ADGRE1: variants seen among roughly 807,000 people sequenced by gnomAD.
The protein encoded by ADGRE1 is EGF-like module receptor 1.
Under a neutral mutation model 102.7 loss-of-function variants are expected in ADGRE1, and 82 were observed. The ratio of observed to expected loss-of-function variants is 0.80; its 90% CI spans 0.67 to 0.96. ADGRE1 has a LOEUF of 0.96. ADGRE1 is among the 40% of genes least tolerant of loss of function. The pLI is 0.00. For synonymous variants in ADGRE1, 398 were observed against 399.6 expected (o/e 1.00, Z 0.05); for missense variants, 1,032 against 1,085.3 (o/e 0.95, Z 0.69).
At chr19:6,938,597 C>T (rs1182592763) in intron 20 of ADGRE1, among the ~76,000 whole-genome samples, 2 of 151,432 alleles carry the variant, frequency 1.3e-5, no homozygotes, top group Non-Finnish European at 2.9e-5. Context: ...AATTCAATAG[C>T]TTAGTTTCCT....
chr19:6,927,175 T>TCCTCCCTCCCACTCTC (rs2145003043), intron 16 of ADGRE1, among the ~76,000 whole-genome samples: 1 of 151,518 alleles, frequency 6.6e-6, no homozygotes, highest in Admixed American at 6.6e-5. Flanking sequence ...AATCCTTTCT[T>TCCTCCCTCCCACTCTC]CCTCCCTCCC....
Position 6,902,117 on chromosome 19 carries a change from T to C in ADGRE1, c.661+96T>C, listed in dbSNP as rs1323478249. ...TGGGTCTTGGTTGAGTTTGAGACTT[T>C]CATCTGCAAATCTGAAGCCAATAAT... is the stretch of plus-strand genomic sequence containing the variant. On this transcript the variant is annotated intron_variant, in intron 6 of 20. Coordinates refer to ENST00000312053, the MANE Select transcript of ADGRE1 (RefSeq NM_001974.5). 5.5e-6 allele frequency: 8 copies of C among 1,462,358 alleles called. No individual in the cohort carries two copies. In the East Asian group the frequency reaches 9.1e-5, roughly 17 times the overall value. The allele number at this position is 1,462,358 out of a possible 1,614,324, so 90.6% of individuals were successfully genotyped here.
chr19:6,920,573 G>A (rs1306544432), intron 13 of ADGRE1, among the ~76,000 whole-genome samples: 1 of 128,188 alleles, frequency 7.8e-6, no homozygotes, highest in Non-Finnish European at 1.6e-5. Context: ...GCCCAGGCTG[G>A]AGTTCAATGG....
At chr19:6,929,613 C>T (rs1258640166) in intron 17 of ADGRE1, among the ~76,000 whole-genome samples, 1 of 151,916 alleles carries the variant, frequency 6.6e-6, no homozygotes, top group African/African-American at 2.4e-5. Context: ...ACCTCTGCCT[C>T]CTGGGTTCAA....
chr19:6,916,076 T>C (rs1158475182), intron 11 of ADGRE1, among the ~76,000 whole-genome samples, 173 bp from the exon 12 acceptor site: 1 of 152,166 alleles, frequency 6.6e-6, no homozygotes, highest in Non-Finnish European at 1.5e-5. Context: ...TATTTGGTGC[T>C]ATGGTCCCCC....
At chr19:6,938,801 CTTT>C (rs558698686) in intron 20 of ADGRE1, among the ~76,000 whole-genome samples, 1 of 137,800 alleles carries the variant, frequency 7.3e-6, no homozygotes. Context: ...TTCTTTTTTT[CTTT>C]TTTTTTTTTG....
chr19:6,890,774 C>G (rs1023759929), intron 2 of ADGRE1, among the ~76,000 whole-genome samples: 4 of 152,014 alleles, frequency 2.6e-5, no homozygotes, highest in African/African-American at 9.7e-5. Flanking sequence ...CTTCAGTTTC[C>G]CAAGCTGTGA....
intron 2 of ADGRE1, among the ~76,000 whole-genome samples, chr19:6,892,449 A>G (rs1973415611): frequency 6.6e-6 from 1 of 152,214 alleles, no homozygotes; most frequent in South Asian, 2.1e-4. Flanking sequence ...GCTTTAAAAA[A>G]ATCCTGAATT....
At chr19:6,895,621 A>G (rs1349594430) in intron 2 of ADGRE1, 1 of 152,100 alleles carries the variant, frequency 6.6e-6, no homozygotes, top group African/African-American at 2.4e-5. Flanking sequence ...TGATTTTCCA[A>G]GATGTTCTTG....
intron 3 of ADGRE1, 143 bp downstream of exon 3, chr19:6,896,684 T>C (rs1973564211): frequency 1.1e-6 from 1 of 920,654 alleles, no homozygotes; most frequent in Non-Finnish European, 1.6e-6. Context: ...GAGTATTAGG[T>C]CATTTCTGTT....
intron 8 of ADGRE1, among the ~76,000 whole-genome samples, chr19:6,905,348 T>C (rs189072221): frequency 9.4e-5 from 13 of 138,488 alleles, no homozygotes; most frequent in Admixed American, 5.8e-4. Flanking sequence ...ACCCTGTCTT[T>C]TGTTTTTTTT....
At chr19:6,939,285 A>C (rs910089145) in intron 20 of ADGRE1, among the ~76,000 whole-genome samples, 3 of 152,202 alleles carry the variant, frequency 2.0e-5, no homozygotes, top group Admixed American at 6.5e-5. Context: ...GGTATAGAAC[A>C]TTTTAGAAAA....
intron 9 of ADGRE1, among the ~76,000 whole-genome samples, chr19:6,906,753 A>G (rs449297): frequency 0.36 from 54,491 of 152,008 alleles, 11,317 homozygotes; most frequent in African/African-American, 0.57. Flanking sequence ...CCAAGGTGGC[A>G]GCTCCAGCTC....
chr19:6,907,236 A>G (rs1293669989), intron 9 of ADGRE1, among the ~76,000 whole-genome samples: 3 of 152,184 alleles, frequency 2.0e-5, no homozygotes, highest in Non-Finnish European at 4.4e-5. Flanking sequence ...GGTGAGGTAC[A>G]CATAACATAA....
At chr19:6,924,472 T>G (rs1974799707) in intron 14 of ADGRE1, among the ~76,000 whole-genome samples, 1 of 152,076 alleles carries the variant, frequency 6.6e-6, no homozygotes, top group Non-Finnish European at 1.5e-5. Flanking sequence ...GAGTAACGCA[T>G]AGGACAGGAC....
rs956464574 is a variant in ADGRE1, at chr19:6,913,951, A to T, written c.1300+121A>T. The T allele has an allele frequency of 3.5e-6, 4 of 1,131,672 alleles. No individual in the cohort carries two copies. The African/African-American group carries it at 6.2e-5, about 18-fold the overall frequency. The allele number at this position is 1,131,672 out of a possible 1,614,324, so 70.1% of individuals were successfully genotyped here. Reference sequence around the variant, plus strand: ...TTCCCCAACTGTTTAAAAACTTTGAATTCACAGCAAAGCAAGTCTAATCAT... The same window carrying T: ...TTCCCCAACTGTTTAAAAACTTTGATTTCACAGCAAAGCAAGTCTAATCAT... On this transcript the variant is annotated intron_variant, in intron 11 of 20. Transcript: ENST00000312053.
chr19:6,937,223 G>A lies in ADGRE1; in HGVS notation c.2382-20G>A. ...ATAGCCACCTCCCAGAGCCTTACAT[G>A]CTGTACATCTTCTCCCCAGGTTACT... On this transcript the variant is annotated intron_variant, in intron 18 of 20. Coordinates refer to ENST00000312053, the MANE Select transcript of ADGRE1 (RefSeq NM_001974.5). 1 of 1,608,034 alleles carries A rather than the reference G, an allele frequency of 6.2e-7. No individual in the cohort carries two copies. Among genetic ancestry groups the A allele is most frequent in the Non-Finnish European group, 8.5e-7 (1 of 1,176,334 alleles).
chr19:6,919,665 C>T lies in ADGRE1; in HGVS notation c.1538C>T (p.Ser513Phe), dbSNP rs1446134676. 6.2e-7 allele frequency: 1 copy of T among 1,613,358 alleles called. No homozygotes were observed. The highest frequency in any genetic ancestry group is 8.5e-7 in the Non-Finnish European group (1 of 1,179,912). Reference sequence around the variant, plus strand: ...TCTGAGATCAAGCTGAAGATGAATTCTCGAGTCGTTGGGGGCATAATGACT... The same window carrying T: ...TCTGAGATCAAGCTGAAGATGAATTTTCGAGTCGTTGGGGGCATAATGACT... ...TTSEIKLKMNSRVVGGIMTGE... is the reference protein window; with the variant it reads ...TTSEIKLKMNFRVVGGIMTGE... Residue 513 changes from serine (S) to phenylalanine (F), a missense_variant, in exon 13 of 21, where the codon TCT becomes TTT. Ser to Phe is a radical substitution (Grantham distance 155). Coordinates refer to ENST00000312053, the MANE Select transcript of ADGRE1 (RefSeq NM_001974.5).
chr19:6,887,902 C>T, intron 1 of ADGRE1, among the ~76,000 whole-genome samples: 1 of 152,172 alleles, frequency 6.6e-6, no homozygotes, highest in Admixed American at 6.5e-5. Context: ...GAGGATATAG[C>T]AGTGAGAAAA....
Sources: allele counts gnomAD v4.1 joint callset (sites outside exome capture counted in the v4.1 genomes callset), GRCh38; gene constraint gnomAD v4.1.1; transcripts MANE v1.5; gene names NCBI Gene and HGNC (gene_info 2026-07-23, HGNC 2026-07-21).